MBNL1: variants seen among roughly 807,000 people sequenced by gnomAD.
MBNL1 encodes the protein muscleblind-like protein 1.
Under a neutral mutation model 42.2 loss-of-function variants are expected in MBNL1, and 8 were observed. The ratio of observed to expected loss-of-function variants is 0.19; its 90% CI spans 0.11 to 0.34. The LOEUF (loss-of-function observed/expected upper bound fraction) is 0.34. Ranked by LOEUF, MBNL1 falls within the 10% of genes least tolerant of loss-of-function variation. The probability of loss-of-function intolerance (pLI) is 1.00; values close to 1 mark genes in which losing one functional copy is unlikely to be tolerated. For synonymous variants in MBNL1, 169 were observed against 173.9 expected (o/e 0.97, Z 0.22); for missense variants, 309 against 495.3 (o/e 0.62, Z 3.57).
At chr3:152,433,749 C>CAAAA (rs35614565) in intron 4 of MBNL1, among the ~76,000 whole-genome samples, 7 of 91,410 alleles carry the variant, frequency 7.7e-5, no homozygotes, top group East Asian at 2.7e-4. Context: ...GACTCCGTCT[C>CAAAA]AAAAAAAAAA....
At chr3:152,448,505 A>G (rs1416410047) in intron 6 of MBNL1, among the ~76,000 whole-genome samples, 1 of 152,174 alleles carries the variant, frequency 6.6e-6, no homozygotes, top group African/African-American at 2.4e-5. Context: ...ACTTCAGAAA[A>G]TACATATAAG....
chr3:152,320,562 C>G (rs1185351124), intron 2 of MBNL1, among the ~76,000 whole-genome samples: 3 of 152,020 alleles, frequency 2.0e-5, no homozygotes. Context: ...AGTATTAACT[C>G]TCTTTTCATA....
chr3:152,414,377 T>C (rs1277853427), intron 2 of MBNL1, among the ~76,000 whole-genome samples: 1 of 152,220 alleles, frequency 6.6e-6, no homozygotes, highest in African/African-American at 2.4e-5. Flanking sequence ...TGGGAACACA[T>C]GGGAGTTTTC....
At chr3:152,458,165 C>T (rs1737512231) in intron 8 of MBNL1, 3 of 1,613,910 alleles carry the variant, frequency 1.9e-6, no homozygotes, top group Non-Finnish European at 2.5e-6. Context: ...TTGGGTGCAA[C>T]ATCCTGTCCT....
chr3:152,298,762 G>A (rs2059634607), intron 1 of MBNL1, among the ~76,000 whole-genome samples: 1 of 152,190 alleles, frequency 6.6e-6, no homozygotes, highest in South Asian at 2.1e-4. Flanking sequence ...GGATAGGTCA[G>A]GAGAATGTAC....
intron 3 of MBNL1, among the ~76,000 whole-genome samples, chr3:152,428,177 G>T (rs1215922954): frequency 3.3e-5 from 5 of 152,142 alleles, no homozygotes; most frequent in African/African-American, 1.2e-4. Context: ...ATATTCTAAA[G>T]AATATTTAAT....
At position 152,340,696 on chromosome 3, in the gene MBNL1, A is replaced by G. The variant is rs1253714582; in HGVS notation, c.174+40329A>G. 4 of 1,614,060 alleles carry G rather than the reference A, an allele frequency of 2.5e-6. No homozygotes were observed. The South Asian group carries it at 4.4e-5, about 18-fold the overall frequency. On this transcript the variant is annotated intron_variant, in intron 2 of 9. Coordinates refer to ENST00000324210, the MANE Select transcript of MBNL1 (RefSeq NM_021038.5). Reference sequence around the variant, plus strand: ...CGCATAATACCTAGCAAGATCCCAGATGTAAACGGGAGAACTCAAATGTTC... The same window carrying G: ...CGCATAATACCTAGCAAGATCCCAGGTGTAAACGGGAGAACTCAAATGTTC...
intron 4 of MBNL1, among the ~76,000 whole-genome samples, chr3:152,442,034 C>G (rs796907509): frequency 3.9e-5 from 6 of 152,268 alleles, no homozygotes; most frequent in African/African-American, 1.4e-4. Flanking sequence ...CTCAAGTGAT[C>G]CACCCACCTC....
Position 152,459,339 on chromosome 3 carries a change from CT to C in MBNL1, c.*13del. 1 of 1,553,096 alleles carries C rather than the reference CT, an allele frequency of 6.4e-7. No individual in the cohort carries two copies. The highest frequency in any genetic ancestry group is 8.8e-7 in the Non-Finnish European group (1 of 1,141,418). Reference sequence around the variant, plus strand: ...TTACCCAGATGTAGAATTTTCATCACTAAACAGTAAGTTCATTATGTAATAT... The same window carrying C: ...TTACCCAGATGTAGAATTTTCATCACAAACAGTAAGTTCATTATGTAATAT... On this transcript the variant is annotated 3_prime_UTR_variant, in exon 9 of 10. Transcript: ENST00000324210.
chr3:152,273,156 C>G (rs1242646207), intron 1 of MBNL1, among the ~76,000 whole-genome samples: 1 of 152,038 alleles, frequency 6.6e-6, no homozygotes, highest in African/African-American at 2.4e-5. Context: ...TATATTGTTT[C>G]TGATGAGTCA....
chr3:152,336,176 G>T (rs901263649), intron 2 of MBNL1, among the ~76,000 whole-genome samples: 1 of 152,094 alleles, frequency 6.6e-6, no homozygotes, highest in African/African-American at 2.4e-5. Context: ...ATTCAAAAAT[G>T]TAATCTGAAG....
At chr3:152,420,650 G>A (rs185921664) in intron 3 of MBNL1, among the ~76,000 whole-genome samples, 16 of 152,286 alleles carry the variant, frequency 1.1e-4, no homozygotes, top group South Asian at 4.1e-4. Context: ...GTAAATCCAC[G>A]AAGATGAGGA....
chr3:152,441,461 G>T (rs2099144669), intron 4 of MBNL1, among the ~76,000 whole-genome samples: 1 of 152,042 alleles, frequency 6.6e-6, no homozygotes. Flanking sequence ...CTAGTAAAGT[G>T]ATAGGAACTG....
chr3:152,363,485 T>A (rs898021956), intron 2 of MBNL1, among the ~76,000 whole-genome samples: 18 of 152,176 alleles, frequency 1.2e-4, no homozygotes, highest in African/African-American at 4.3e-4. Context: ...ACCAAGTTTC[T>A]GAGAAGAGGA....
chr3:152,408,555 A>AGT (rs1335633655), intron 2 of MBNL1, among the ~76,000 whole-genome samples: 7 of 152,026 alleles, frequency 4.6e-5, no homozygotes, highest in Admixed American at 1.3e-4. Flanking sequence ...TGAGTATATA[A>AGT]GTGTGTATTT....
intron 4 of MBNL1, among the ~76,000 whole-genome samples, chr3:152,437,835 G>A (rs757711464): frequency 6.7e-6 from 1 of 150,078 alleles, no homozygotes; most frequent in African/African-American, 2.5e-5. Flanking sequence ...GTGCGGTGGC[G>A]CGATCTCAGC....
intron 2 of MBNL1, among the ~76,000 whole-genome samples, chr3:152,339,021 T>C (rs2092292379): frequency 6.6e-6 from 1 of 152,194 alleles, no homozygotes; most frequent in Admixed American, 6.5e-5. Flanking sequence ...GAAATTATTT[T>C]TTCAAATACC....
At chr3:152,254,779 A>C (rs1323765140) in intron 2 of MBNL1, among the ~76,000 whole-genome samples, 1 of 152,144 alleles carries the variant, frequency 6.6e-6, no homozygotes, top group East Asian at 1.9e-4. Context: ...TTCGTGTTAA[A>C]CTTTTTTTGT....
At chr3:152,437,739 CTT>C (rs1157481952) in intron 4 of MBNL1, among the ~76,000 whole-genome samples, 1 of 151,134 alleles carries the variant, frequency 6.6e-6, no homozygotes, top group African/African-American at 2.4e-5. Flanking sequence ...TTTTAAAAGA[CTT>C]TGTTGCCAAG....
Sources: gnomAD v4.1 joint callset for allele counts (sites outside exome capture counted in the v4.1 genomes callset) on GRCh38, gnomAD v4.1.1 for gene constraint, MANE v1.5 for transcripts, NCBI Gene and HGNC (gene_info 2026-07-23, HGNC 2026-07-21) for gene names.